The following MGST1 variants were observed in gnomAD, a reference collection of about 807,000 sequenced individuals.
MGST1 encodes microsomal glutathione S-transferase 1.
Under a neutral mutation model 8.9 loss-of-function variants are expected in MGST1, and 5 were observed. The ratio of observed to expected loss-of-function variants is 0.56; its 90% CI spans 0.29 to 1.19. MGST1 has a LOEUF of 1.19. MGST1 is among the 50% of genes most tolerant of loss of function. The pLI, the probability that MGST1 is intolerant of heterozygous loss-of-function variation, is 0.08. For synonymous variants in MGST1, 54 were observed against 67.8 expected (o/e 0.80, Z 1.00); for missense variants, 182 against 187.4 (o/e 0.97, Z 0.17).
intron 1 of MGST1, among the ~76,000 whole-genome samples, chr12:16,394,595 T>C: frequency 6.7e-6 from 1 of 150,128 alleles, no homozygotes; most frequent in Non-Finnish European, 1.5e-5. Flanking sequence ...CTCTCTTTTT[T>C]CTTTTCTTTT....
Position 16,383,445 on chromosome 12 carries a change from TTTTTC to T in MGST1, n.634_638del, listed in dbSNP as rs531973182. 8.7e-3 allele frequency: 1,325 copies of T among 152,310 alleles called. 10 individuals carry two copies. Among genetic ancestry groups the T allele is most frequent in the Non-Finnish European group, 0.015 (1,002 of 68,052 alleles). The allele number at this position is 152,310 out of a possible 1,614,324, so 9.4% of individuals were successfully genotyped here. Reference sequence around the variant, plus strand: ...ATATATTTTTTTCCAAGTCTTTTTCTTTTTCTTTTCTTTTCTTTTTTCTTTTTATT... The same window carrying T: ...ATATATTTTTTTCCAAGTCTTTTTCTTTTTCTTTTCTTTTTTCTTTTTATT... On this transcript the variant is annotated non_coding_transcript_exon_variant, in exon 1 of 2. Transcript: ENST00000359720.
At chr12:16,572,109 G>A (rs1353596707) in intron 4 of MGST1, among the ~76,000 whole-genome samples, 1 of 151,950 alleles carries the variant, frequency 6.6e-6, no homozygotes, top group Admixed American at 6.6e-5. Flanking sequence ...TATCCTGCAA[G>A]AAAAAGGTAC....
intron 4 of MGST1, among the ~76,000 whole-genome samples, chr12:16,530,250 T>C (rs1008485969): frequency 2.6e-5 from 4 of 152,168 alleles, no homozygotes; most frequent in Non-Finnish European, 4.4e-5. Flanking sequence ...ATTAAGTTTT[T>C]ATCATAATAC....
intron 4 of MGST1, among the ~76,000 whole-genome samples, chr12:16,572,399 G>A (rs1433164134): frequency 4.7e-5 from 5 of 107,154 alleles, no homozygotes; most frequent in Non-Finnish European, 6.9e-5. Flanking sequence ...TTTAATTAAC[G>A]ATTTTAGAAT....
At chr12:16,530,955 G>T (rs1941718876) in intron 4 of MGST1, among the ~76,000 whole-genome samples, 1 of 151,968 alleles carries the variant, frequency 6.6e-6, no homozygotes, top group Non-Finnish European at 1.5e-5. Flanking sequence ...AGTGAATAAA[G>T]AAATGTCTTG....
chr12:16,543,500 T>A (rs1941803994), intron 4 of MGST1, among the ~76,000 whole-genome samples: 1 of 152,048 alleles, frequency 6.6e-6, no homozygotes, highest in Non-Finnish European at 1.5e-5. Flanking sequence ...CTGATGCTCA[T>A]CCAATGCAGA....
chr12:16,412,087 TAAG>T (rs1232948481), intron 1 of MGST1, among the ~76,000 whole-genome samples: 3 of 152,188 alleles, frequency 2.0e-5, no homozygotes, highest in Admixed American at 2.0e-4. Context: ...ATTTTTAAAT[TAAG>T]AAGTTTTACA....
At chr12:16,521,951 GA>G (rs67301216) in intron 4 of MGST1, among the ~76,000 whole-genome samples, 148,142 of 151,600 alleles carry the variant, frequency 0.98, 72,480 homozygotes, top group East Asian at 1. Context: ...CAGAAAGGTA[GA>G]AAAAAAAAAT....
intron 4 of MGST1, among the ~76,000 whole-genome samples, chr12:16,460,110 T>C (rs1941207393): frequency 6.6e-6 from 1 of 152,068 alleles, no homozygotes; most frequent in African/African-American, 2.4e-5. Flanking sequence ...TGTAGGAAAT[T>C]TAGTATAGTG....
chr12:16,588,980 T>A (rs192795689), intron 4 of MGST1, among the ~76,000 whole-genome samples: 136 of 152,140 alleles, frequency 8.9e-4, no homozygotes, highest in Non-Finnish European at 1.6e-3. Flanking sequence ...ATTTTATGAA[T>A]AGGATTCCTA....
intron 4 of MGST1, among the ~76,000 whole-genome samples, chr12:16,454,863 T>A (rs1941158175): frequency 1.6e-5 from 1 of 60,964 alleles, no homozygotes; most frequent in Non-Finnish European, 3.0e-5. Flanking sequence ...TCAGTAAGTT[T>A]AAGTAGACCA....
In MGST1 at chr12:16,560,031, C is replaced by A. The variant is rs2137328174; in HGVS notation, n.483-29497C>A. ...AAAAAATAATAAGAATATAAAATAC[C>A]TGCAACAAATTCCTGTATATTTGCT... On this transcript the variant is annotated intron_variant and non_coding_transcript_variant, in intron 4 of 4. Coordinates refer to the MGST1 transcript ENST00000538857. The surrounding 1 kb of genome is among the most constrained non-coding windows in gnomAD (Gnocchi z 5.0). 6.6e-6 allele frequency among the ~76,000 whole-genome samples: 1 copy of A among 152,054 alleles called. No individual in the cohort carries two copies. The highest frequency in any genetic ancestry group is 2.4e-5 in the African/African-American group (1 of 41,496).
chr12:16,426,223 T>A (rs1940885540), intron 1 of MGST1, among the ~76,000 whole-genome samples: 1 of 152,224 alleles, frequency 6.6e-6, no homozygotes, highest in East Asian at 1.9e-4. Flanking sequence ...TAGGGTTCCA[T>A]TCATCTTACC....
At chr12:16,441,672 T>C, downstream of MGST1, among the ~76,000 whole-genome samples, 1 of 151,854 alleles carries the variant, frequency 6.6e-6, no homozygotes, top group Non-Finnish European at 1.5e-5. Flanking sequence ...ATAGCTCATT[T>C]CTTTTTAGTG....
intron 4 of MGST1, among the ~76,000 whole-genome samples, chr12:16,531,833 G>C (rs990682994): frequency 3.9e-5 from 6 of 152,230 alleles, no homozygotes; most frequent in African/African-American, 1.4e-4. Context: ...ATTGAAATGA[G>C]CAGCTGCATG....
exon 4 of MGST1, chr12:16,376,265 A>C: frequency 1.8e-6 from 1 of 567,420 alleles, no homozygotes; most frequent in Non-Finnish European, 3.1e-6. Flanking sequence ...TTCAACATCT[A>C]ATGAGTTAAT....
intron 4 of MGST1, among the ~76,000 whole-genome samples, chr12:16,568,045 C>A (rs905985901): frequency 1.3e-5 from 2 of 152,106 alleles, no homozygotes; most frequent in Non-Finnish European, 2.9e-5. Flanking sequence ...TTCTTGAGAT[C>A]TAGACTTAGT....
intron 1 of MGST1, among the ~76,000 whole-genome samples, chr12:16,348,408 G>GA (rs564828170): frequency 1.1e-4 from 17 of 152,182 alleles, no homozygotes; most frequent in Non-Finnish European, 2.1e-4. Flanking sequence ...GAGAAAAGGA[G>GA]AAGGGAACTC....
At chr12:16,400,825 C>G (rs1940648827) in intron 1 of MGST1, 2 of 1,234,422 alleles carry the variant, frequency 1.6e-6, no homozygotes, top group Middle Eastern at 1.9e-4. Flanking sequence ...TCTCATATTT[C>G]TTATCGATGT....
Sources: gnomAD v4.1 joint callset for allele counts (sites outside exome capture counted in the v4.1 genomes callset) on GRCh38, gnomAD v4.1.1 for gene constraint, Gnocchi (gnomAD v3.1) non-coding constraint, MANE v1.5 for transcripts, NCBI Gene and HGNC (gene_info 2026-07-23, HGNC 2026-07-21) for gene names.